Variants in VPS37A observed in about 807,000 individuals in gnomAD.
The protein encoded by VPS37A is VPS37A subunit of ESCRT-I.
A neutral mutation model predicts 49.8 loss-of-function variants in VPS37A; 30 were observed. The ratio of observed to expected loss-of-function variants is 0.60; its 90% CI spans 0.45 to 0.82. The LOEUF (loss-of-function observed/expected upper bound fraction) is 0.82. Among genes scored for constraint, VPS37A ranks in the 40% least tolerant of loss-of-function variants. VPS37A has a pLI of 0.00. For synonymous variants in VPS37A, 195 were observed against 160.6 expected, an observed-to-expected ratio of 1.21 and a Z score of -1.62; for missense variants, 593 against 464.4, an observed-to-expected ratio of 1.28 and a Z score of -2.55.
chr8:17,310,227 T>C, the VPS37A span, among the ~76,000 whole-genome samples: 8 of 152,076 alleles, frequency 5.3e-5, no homozygotes, highest in African/African-American at 1.7e-4. Context: ...TCTCAAACTC[T>C]GGGGCTCCAG....
downstream of VPS37A, among the ~76,000 whole-genome samples, chr8:17,303,700 C>G (rs1026783609): frequency 2.5e-4 from 38 of 151,914 alleles, no homozygotes; most frequent in African/African-American, 9.2e-4. Flanking sequence ...ACCTCCTCCT[C>G]CCTGGTTCAA....
the VPS37A span, chr8:17,326,232 C>T: frequency 1.3e-5 from 2 of 152,114 alleles, no homozygotes; most frequent in East Asian, 1.9e-4. Context: ...GTGGTTCTAC[C>T]ACTTACTATT....
chr8:17,271,749 G>A (rs1814014382), intron 4 of VPS37A, among the ~76,000 whole-genome samples: 1 of 152,186 alleles, frequency 6.6e-6, no homozygotes. Flanking sequence ...ATTCTTTGAA[G>A]CCCTAAGTGG....
At chr8:17,247,762 C>T (rs919019714) in intron 1 of VPS37A, 2 of 702,498 alleles carry the variant, frequency 2.8e-6, no homozygotes, top group African/African-American at 1.7e-5. Context: ...GAAGAGTAAT[C>T]TCCAGGTTTC....
downstream of VPS37A, chr8:17,299,897 G>T: frequency 6.2e-7 from 1 of 1,614,058 alleles, no homozygotes; most frequent in African/African-American, 1.3e-5. Flanking sequence ...TCAGAATCCC[G>T]GTCCTTGCCA....
the VPS37A span, chr8:17,309,317 CA>C: frequency 6.4e-7 from 1 of 1,561,218 alleles, no homozygotes; most frequent in Non-Finnish European, 8.8e-7. Context: ...CAGTCCTTTT[CA>C]ATTAATACCT....
At chr8:17,302,122 G>C, downstream of VPS37A, 1 of 1,613,606 alleles carries the variant, frequency 6.2e-7, no homozygotes, top group Non-Finnish European at 8.5e-7. Context: ...AATAAGCACA[G>C]AAAATAGATT....
chr8:17,254,045 CATCTT>C (rs1250699082), intron 1 of VPS37A, among the ~76,000 whole-genome samples: 4 of 152,090 alleles, frequency 2.6e-5, no homozygotes, highest in African/African-American at 9.7e-5. Flanking sequence ...AATTTATAGT[CATCTT>C]GTCTTTGCTC....
chr8:17,299,734 T>C, downstream of VPS37A: 1 of 1,355,296 alleles, frequency 7.4e-7, no homozygotes, highest in South Asian at 1.5e-5. Flanking sequence ...TTTTCCCTTT[T>C]CATAGCTGCA....
At chr8:17,322,401 A>G in the VPS37A span, among the ~76,000 whole-genome samples, 3 of 152,230 alleles carry the variant, frequency 2.0e-5, no homozygotes, top group Non-Finnish European at 4.4e-5. Flanking sequence ...GTATATATGA[A>G]TGTGAATTTT....
chr8:17,322,373 T>C, the VPS37A span, among the ~76,000 whole-genome samples: 1 of 152,210 alleles, frequency 6.6e-6, no homozygotes, highest in Admixed American at 6.5e-5. Flanking sequence ...AGCAAGTTCA[T>C]AGAATAATGT....
At position 17,274,888 on chromosome 8, in the gene VPS37A, C is replaced by T; in HGVS notation, c.572C>T (p.Pro191Leu). ...SSTTSHTTAK[P>L]AAPSFGVLSN... is the part of the protein sequence containing the mutation. ...ACAACAAGTCATACCACAGCCAAGC[C>T]TGCCGCTCCTTCATTTGGTGTCCTT... Residue 191 changes from proline to leucine, a missense_variant, in exon 5 of 12, where the codon CCT (proline) becomes CTT (leucine). Coordinates refer to ENST00000324849, the MANE Select transcript of VPS37A (RefSeq NM_152415.3). The T allele has an allele frequency of 6.2e-7, 1 of 1,614,166 alleles. No homozygotes were observed. The highest frequency in any genetic ancestry group is 8.5e-7 in the Non-Finnish European group (1 of 1,180,018).
chr8:17,251,161 A>G (rs2150344065), intron 1 of VPS37A, among the ~76,000 whole-genome samples: 1 of 152,276 alleles, frequency 6.6e-6, no homozygotes, highest in East Asian at 1.9e-4. Flanking sequence ...TATGCCAGTG[A>G]TGATGGTCTC....
At chr8:17,261,063 C>T (rs1812919779) in intron 1 of VPS37A, among the ~76,000 whole-genome samples, 1 of 152,182 alleles carries the variant, frequency 6.6e-6, no homozygotes, top group African/African-American at 2.4e-5. Flanking sequence ...AGCTTTCTAC[C>T]CATTCCTCTG....
rs138721137 is a variant in VPS37A, at chr8:17,274,225, G to C, written c.417-508G>C. ...TACATGCGTGTTTATATATGCATCT[G>C]TTTTTAATATTTCAACATTTTAGAA... On this transcript the variant is annotated intron_variant, in intron 4 of 11. Transcript: ENST00000324849. Among the ~76,000 whole-genome samples, 603 of 152,318 alleles carry C rather than the reference G, an allele frequency of 4.0e-3. 5 individuals are homozygous for C. Among genetic ancestry groups the C allele is most frequent in the African/African-American group, 0.014 (575 of 41,572 alleles).
At chr8:17,306,174 T>G (rs1817444211), downstream of VPS37A, among the ~76,000 whole-genome samples, 1 of 152,150 alleles carries the variant, frequency 6.6e-6, no homozygotes, top group African/African-American at 2.4e-5. Context: ...GCGTTCACGT[T>G]ATAGTTACAA....
At chr8:17,268,087 G>C (rs1315983465) in intron 2 of VPS37A, among the ~76,000 whole-genome samples, 171 bp from the exon 3 acceptor site, 2 of 152,212 alleles carry the variant, frequency 1.3e-5, no homozygotes, top group South Asian at 2.1e-4. Flanking sequence ...CCAAATTTTA[G>C]TCTTAAACAT....
chr8:17,317,044 A>G, the VPS37A span, among the ~76,000 whole-genome samples: 2 of 152,166 alleles, frequency 1.3e-5, no homozygotes, highest in African/African-American at 4.8e-5. Flanking sequence ...CAATCTTATA[A>G]TATTTCTCTA....
chr8:17,266,724 T>A (rs17687363), intron 2 of VPS37A, among the ~76,000 whole-genome samples: 15,352 of 152,254 alleles, frequency 0.1, 863 homozygotes, highest in South Asian at 0.2. Context: ...ATGAGTGAAT[T>A]AAAGCATGAA....
Sources: allele counts gnomAD v4.1 joint callset (sites outside exome capture counted in the v4.1 genomes callset), GRCh38; gene constraint gnomAD v4.1.1; transcripts MANE v1.5; gene names NCBI Gene and HGNC (gene_info 2026-07-23, HGNC 2026-07-21).